The following TMEM263 variants were observed in gnomAD, a reference collection of about 807,000 sequenced individuals.
TMEM263 encodes UPF0444 transmembrane protein C12orf23.
A neutral mutation model predicts 8.6 loss-of-function variants in TMEM263; 5 were observed. That is an observed-to-expected ratio of 0.58 (90% CI 0.31 to 1.23). The LOEUF (loss-of-function observed/expected upper bound fraction) is 1.23. Ranked by LOEUF, TMEM263 falls within the 50% of genes most tolerant of loss-of-function variation. The probability of loss-of-function intolerance (pLI) is 0.07; values close to 1 mark genes in which losing one functional copy is unlikely to be tolerated. For synonymous variants in TMEM263, 50 were observed against 47.9 expected (o/e 1.04, Z -0.18); for missense variants, 104 against 138.8 (o/e 0.75, Z 1.26).
chr12:106,970,463 G>C (rs890222812), intron 3 of TMEM263, among the ~76,000 whole-genome samples: 2 of 152,138 alleles, frequency 1.3e-5, no homozygotes, highest in Non-Finnish European at 2.9e-5. Flanking sequence ...TTAATGTTTG[G>C]ATTAATGCAA....
intron 2 of TMEM263, among the ~76,000 whole-genome samples, chr12:106,960,655 T>C (rs922278447): frequency 6.6e-6 from 1 of 152,142 alleles, no homozygotes; most frequent in African/African-American, 2.4e-5. Flanking sequence ...GGAGAGCTGG[T>C]AAGTCTGAGA....
chr12:106,968,267 AGG>A (rs1951871038), intron 3 of TMEM263, among the ~76,000 whole-genome samples: 1 of 152,102 alleles, frequency 6.6e-6, no homozygotes, highest in South Asian at 2.1e-4. Flanking sequence ...ATAGCAACAA[AGG>A]GTTTACACTT....
chr12:106,957,918 T>C (rs1460357970), intron 2 of TMEM263, among the ~76,000 whole-genome samples: 1 of 152,216 alleles, frequency 6.6e-6, no homozygotes, highest in Non-Finnish European at 1.5e-5. Context: ...TTGGTTTAAC[T>C]AGAAAAACAT....
At chr12:106,961,522 A>T (rs1340447272) in intron 2 of TMEM263, among the ~76,000 whole-genome samples, 2 of 152,118 alleles carry the variant, frequency 1.3e-5, no homozygotes. Flanking sequence ...GTGGAGGAAG[A>T]TAGGACACAA....
chr12:106,955,926 T>G lies in TMEM263; in HGVS notation c.-214T>G. 2.0e-6 allele frequency: 2 copies of G among 985,722 alleles called. No individual in the cohort carries two copies. Among genetic ancestry groups the G allele is most frequent in the Non-Finnish European group, 2.4e-6 (2 of 830,256 alleles). 61.1% of individuals were successfully genotyped at this position (985,722 alleles called of 1,614,324 possible). ...GCCGCCACAGTCTTCCAGCTCCACATCCTGAGAGGACGCCTCTGGAGCCGC... is the reference window on the plus strand; with the variant it reads ...GCCGCCACAGTCTTCCAGCTCCACAGCCTGAGAGGACGCCTCTGGAGCCGC... On this transcript the variant is annotated 5_prime_UTR_variant, in exon 1 of 4. Transcript: ENST00000280756.
intron 3 of TMEM263, among the ~76,000 whole-genome samples, chr12:106,968,163 T>C (rs1227328929): frequency 6.6e-6 from 1 of 152,174 alleles, no homozygotes; most frequent in Non-Finnish European, 1.5e-5. Context: ...TGACTCTAGG[T>C]ATTATATATT....
At chr12:106,971,083 T>C (rs1262260369) in intron 3 of TMEM263, 22 bp from the exon 4 acceptor site, 2 of 1,611,148 alleles carry the variant, frequency 1.2e-6, no homozygotes, top group Admixed American at 3.3e-5. Context: ...TTTGATTGTC[T>C]CATGATATTT....
chr12:106,956,476 C>T (rs1339577432), intron 1 of TMEM263, among the ~76,000 whole-genome samples: 1 of 152,178 alleles, frequency 6.6e-6, no homozygotes, highest in African/African-American at 2.4e-5. Flanking sequence ...GCTAAACCTC[C>T]CTTTTGGGTT....
rs1215894410 is a variant in TMEM263 at position 106,971,642 on chromosome 12, T to C, written c.*251T>C. 8.1e-6 allele frequency: 3 copies of C among 371,598 alleles called. No homozygotes were observed. The highest frequency in any genetic ancestry group is 9.6e-6 in the Non-Finnish European group (2 of 208,496). 23.0% of individuals were successfully genotyped at this position (371,598 alleles called of 1,614,324 possible). A position where few individuals can be genotyped will look rare whatever the true frequency, so the allele number is the denominator to read the frequency against. On this transcript the variant is annotated 3_prime_UTR_variant, in exon 4 of 4. Transcript: ENST00000280756. ...ACTTACTCGGTTGTAACTGAAGATA[T>C]GGTATGTTTGAATATTTACTATAAG...
chr12:106,965,974 GTATT>G (rs1190653924), intron 2 of TMEM263, among the ~76,000 whole-genome samples: 2 of 152,014 alleles, frequency 1.3e-5, no homozygotes, highest in Non-Finnish European at 2.9e-5. Context: ...GAACACCTTA[GTATT>G]TATTTATTAA....
At chr12:106,957,033 A>G (rs886944102) in intron 1 of TMEM263, 49 bp from the exon 2 acceptor site, 27 of 961,370 alleles carry the variant, frequency 2.8e-5, no homozygotes, top group Non-Finnish European at 3.2e-5. Context: ...GCTAATTCCA[A>G]ATGAAAATAT....
intron 2 of TMEM263, among the ~76,000 whole-genome samples, chr12:106,966,142 T>C (rs1233476179): frequency 9.9e-5 from 15 of 152,152 alleles, no homozygotes; most frequent in Admixed American, 9.8e-4. Flanking sequence ...CTCTTTCCAC[T>C]CACCACCTAC....
intron 2 of TMEM263, chr12:106,959,195 T>C (rs1227476214): frequency 6.6e-6 from 1 of 152,234 alleles, no homozygotes; most frequent in African/African-American, 2.4e-5. Flanking sequence ...GTATAGAATT[T>C]AATAATTTTA....
intron 2 of TMEM263, among the ~76,000 whole-genome samples, chr12:106,961,179 T>A (rs1259423305): frequency 1.3e-5 from 2 of 150,254 alleles, no homozygotes; most frequent in African/African-American, 2.4e-5. Flanking sequence ...CTCTTCATCC[T>A]TCCAAATATG....
chr12:106,958,576 C>G (rs1172647907), intron 2 of TMEM263, among the ~76,000 whole-genome samples: 1 of 152,182 alleles, frequency 6.6e-6, no homozygotes, highest in Non-Finnish European at 1.5e-5. Flanking sequence ...TCGTGATATA[C>G]AGTCTACAAC....
chr12:106,970,816 G>A (rs909351387), intron 3 of TMEM263, among the ~76,000 whole-genome samples: 8 of 152,094 alleles, frequency 5.3e-5, no homozygotes, highest in Admixed American at 4.6e-4. Context: ...TAACAAAACC[G>A]TAAACCAAGG....
At chr12:106,958,083 T>A (rs907862414) in intron 2 of TMEM263, among the ~76,000 whole-genome samples, 5 of 152,158 alleles carry the variant, frequency 3.3e-5, no homozygotes, top group Non-Finnish European at 7.4e-5. Flanking sequence ...AGGTAGAATA[T>A]GTAGAAGAAT....
In TMEM263 at chr12:106,971,983, T is replaced by C. The variant is rs1034287669; in HGVS notation, c.*592T>C. 3 of 152,702 alleles carry C rather than the reference T, an allele frequency of 2.0e-5. No homozygotes were observed. Among genetic ancestry groups the C allele is most frequent in the Non-Finnish European group, 1.5e-5 (1 of 68,060 alleles). The allele number at this position is 152,702 out of a possible 1,614,324, so 9.5% of individuals were successfully genotyped here. On this transcript the variant is annotated 3_prime_UTR_variant, in exon 4 of 4. Transcript: ENST00000280756. ...ATATGCGTTCTATTATTTTAATCATTGATGCCTTACAAAAGAAAACATCTT... is the reference window on the plus strand; with the variant it reads ...ATATGCGTTCTATTATTTTAATCATCGATGCCTTACAAAAGAAAACATCTT...
At position 106,971,386 on chromosome 12, in the gene TMEM263, G is replaced by T; in HGVS notation, c.346G>T (p.Asp116Tyr). The T allele has an allele frequency of 6.2e-7, 1 of 1,603,542 alleles. No individual in the cohort carries two copies. Among genetic ancestry groups the T allele is most frequent in the South Asian group, 1.1e-5 (1 of 89,632 alleles). Residue 116 changes from aspartate (D) to tyrosine (Y), a missense_variant, in exon 4 of 4, where the codon GAC (aspartate) becomes TAC (tyrosine). Physicochemically the swap from Asp to Tyr is radical, Grantham distance 160. Coordinates refer to ENST00000280756, the MANE Select transcript of TMEM263 (RefSeq NM_152261.4). The part of the protein sequence containing the change: ...PLTGKKKDKS[D>Y] Reference sequence around the variant, plus strand: ...AACAGGAAAGAAGAAAGACAAATCTGACTGAAATATAGAGATACACTTGCG... The same window carrying T: ...AACAGGAAAGAAGAAAGACAAATCTTACTGAAATATAGAGATACACTTGCG...
Sources: allele counts gnomAD v4.1 joint callset (sites outside exome capture counted in the v4.1 genomes callset), GRCh38; gene constraint gnomAD v4.1.1; transcripts MANE v1.5; gene names NCBI Gene and HGNC (gene_info 2026-07-23, HGNC 2026-07-21).